Variants in CYP3A43 observed in about 807,000 individuals in gnomAD.
CYP3A43 encodes cytochrome P450 3A43.
In CYP3A43, 45 loss-of-function variants were observed where a neutral mutation model predicts 58.0. The ratio of observed to expected loss-of-function variants is 0.78; its 90% CI spans 0.61 to 0.99. The LOEUF is 0.99. Among genes scored for constraint, CYP3A43 ranks in the 50% least tolerant of loss-of-function variants. The pLI is 0.00. For synonymous variants in CYP3A43, 191 were observed against 201.4 expected (o/e 0.95, Z 0.44); for missense variants, 593 against 591.9 (o/e 1.00, Z -0.02).
intron 1 of CYP3A43, among the ~76,000 whole-genome samples, chr7:99,832,716 C>T (rs1584193761): frequency 6.6e-6 from 1 of 151,784 alleles, no homozygotes; most frequent in East Asian, 1.9e-4. Context: ...AACAAAACAA[C>T]AAAACAAGAA....
chr7:99,854,886 C>T (rs2151617343), intron 7 of CYP3A43, among the ~76,000 whole-genome samples: 1 of 147,878 alleles, frequency 6.8e-6, no homozygotes, highest in Non-Finnish European at 1.5e-5. Context: ...CTCTCTCTCT[C>T]TTTTTTTTTT....
intron 1 of CYP3A43, among the ~76,000 whole-genome samples, chr7:99,829,139 A>C (rs1027355266): frequency 6.6e-5 from 10 of 152,336 alleles, no homozygotes; most frequent in South Asian, 2.1e-4. Context: ...GCACATATGC[A>C]TGTAAAATTT....
chr7:99,859,354 T>C (rs1248992510), intron 9 of CYP3A43, among the ~76,000 whole-genome samples: 1 of 152,190 alleles, frequency 6.6e-6, no homozygotes, highest in African/African-American at 2.4e-5. Context: ...TAGAGAAAAG[T>C]TCCTTTATAT....
chr7:99,859,917 T>C lies in CYP3A43; in HGVS notation c.953T>C (p.Met318Thr). The C allele has an allele frequency of 1.2e-6, 2 of 1,614,042 alleles. No homozygotes were observed. The highest frequency in any genetic ancestry group is 1.7e-5 in the Admixed American group (1 of 60,008). Reference protein sequence around the residue: ...DTTSTTLPFIMYELATHPDVQ... With the variant: ...DTTSTTLPFITYELATHPDVQ... ...ACTAGCACCACTCTCCCCTTCATTA[T>C]GTATGAACTGGCCACTCACCCTGAT... The change falls in exon 10 of 13, where the codon ATG becomes ACG. Residue 318 changes from methionine (M) to threonine (T), a missense_variant. Met to Thr is a moderately conservative substitution (Grantham distance 81). Transcript: ENST00000354829.
In CYP3A43 at chr7:99,863,613, G is replaced by A. The variant is rs1305756817; in HGVS notation, c.1330G>A (p.Gly444Ser). The A allele has an allele frequency of 1.2e-6, 2 of 1,613,998 alleles. No individual in the cohort carries two copies. Among genetic ancestry groups the A allele is most frequent in the East Asian group, 2.2e-5 (1 of 44,882 alleles). The change falls in exon 12 of 13, where the codon GGC (glycine) becomes AGC (serine). Residue 444 changes from glycine (G) to serine (S), a missense_variant. Transcript: ENST00000354829. ...PFGAGPRNCI[G>S]MRFALTNIKL... Reference sequence around the variant, plus strand: ...TGGAGCTGGACCCCGAAACTGCATTGGCATGAGGTTTGCTCTCACAAACAT... The same window carrying A: ...TGGAGCTGGACCCCGAAACTGCATTAGCATGAGGTTTGCTCTCACAAACAT...
chr7:99,842,276 T>A (rs2151599937), intron 3 of CYP3A43, among the ~76,000 whole-genome samples: 1 of 152,340 alleles, frequency 6.6e-6, no homozygotes, highest in South Asian at 2.1e-4. Context: ...AATGTAATTT[T>A]TGCCATTTTA....
intron 7 of CYP3A43, among the ~76,000 whole-genome samples, chr7:99,850,318 G>A (rs1054450462): frequency 2.6e-5 from 4 of 151,518 alleles, no homozygotes; most frequent in Non-Finnish European, 5.9e-5. Flanking sequence ...CTGGAGTGCA[G>A]TGGCTCAATC....
chr7:99,856,984 G>C, intron 9 of CYP3A43, 85 bp downstream of exon 9: 1 of 1,466,590 alleles, frequency 6.8e-7, no homozygotes, highest in Non-Finnish European at 9.3e-7. Flanking sequence ...AAGTTTTCCA[G>C]GAAAATGAGA....
chr7:99,864,055 G>T (rs1182064133), intron 12 of CYP3A43, among the ~76,000 whole-genome samples: 1 of 148,496 alleles, frequency 6.7e-6, no homozygotes, highest in Non-Finnish European at 1.5e-5. Context: ...CTTTCGAATG[G>T]TGCTCTCCTC....
At chr7:99,841,990 A>G (rs1215742723) in intron 3 of CYP3A43, among the ~76,000 whole-genome samples, 1 of 152,232 alleles carries the variant, frequency 6.6e-6, no homozygotes, top group African/African-American at 2.4e-5. Flanking sequence ...ATACTTCATT[A>G]GAAATTCTAA....
At chr7:99,860,110 T>C in intron 10 of CYP3A43, 120 bp downstream of exon 10, 2 of 1,246,116 alleles carry the variant, frequency 1.6e-6, no homozygotes, top group Non-Finnish European at 2.2e-6. Context: ...TCATTTACAC[T>C]ATGCAGAAAG....
chr7:99,830,281 G>T (rs1816790851), intron 1 of CYP3A43, among the ~76,000 whole-genome samples: 1 of 152,154 alleles, frequency 6.6e-6, no homozygotes, highest in East Asian at 1.9e-4. Context: ...ACTTTGGAAA[G>T]CCGAGGTGGG....
At chr7:99,830,350 T>C (rs1816795142) in intron 1 of CYP3A43, among the ~76,000 whole-genome samples, 1 of 152,054 alleles carries the variant, frequency 6.6e-6, no homozygotes, top group South Asian at 2.1e-4. Context: ...AAACCCTGTC[T>C]CTACTAAATA....
At chr7:99,833,601 G>T (rs1425142250) in intron 1 of CYP3A43, among the ~76,000 whole-genome samples, 5 of 152,116 alleles carry the variant, frequency 3.3e-5, no homozygotes, top group Non-Finnish European at 5.9e-5. Flanking sequence ...GGGGAAGTTG[G>T]GTTTTTTTCA....
rs113007188 is a variant in CYP3A43, at chr7:99,836,423, T to C, written c.72-30T>C. 3.7e-4 allele frequency: 586 copies of C among 1,588,714 alleles called. 4 individuals are homozygous for C. The African/African-American group carries it at 3.9e-3, about 10-fold the overall frequency. On this transcript the variant is annotated intron_variant, in intron 1 of 12. Coordinates refer to ENST00000354829, the MANE Select transcript of CYP3A43 (RefSeq NM_057095.3). ...CCCTTATCTATAAAGTTACAATTTC[T>C]GTAACCTGGCTTTCTCTTTTATTTT...
chr7:99,829,886 G>T (rs1240420968), intron 1 of CYP3A43, among the ~76,000 whole-genome samples: 1 of 152,134 alleles, frequency 6.6e-6, no homozygotes, highest in Non-Finnish European at 1.5e-5. Context: ...GATTCCTTGC[G>T]ACTCAGCTAC....
rs759333901 is a variant in CYP3A43 at position 99,849,672 on chromosome 7, G to T, written c.648G>T (p.Leu216Phe). ...NMKKLLKLDF[L>F]DPFLLLISLF... ...AGAAGCTTTTAAAATTGGATTTTTT[G>T]GATCCCTTTTTACTCTTAATATGTA... is the stretch of plus-strand genomic sequence containing the variant. The change falls in exon 7 of 13, where the codon TTG becomes TTT. Residue 216 changes from leucine (L) to phenylalanine (F), a missense_variant. By Grantham distance (22) the Leu-to-Phe change is conservative. Coordinates refer to ENST00000354829, the MANE Select transcript of CYP3A43 (RefSeq NM_057095.3). 4 of 1,607,452 alleles carry T rather than the reference G, an allele frequency of 2.5e-6. No individual in the cohort carries two copies. The highest frequency in any genetic ancestry group is 2.2e-5 in the East Asian group (1 of 44,726).
chr7:99,851,011 A>T (rs567841054), intron 7 of CYP3A43, among the ~76,000 whole-genome samples: 10 of 152,296 alleles, frequency 6.6e-5, no homozygotes, highest in Non-Finnish European at 4.4e-5. Context: ...TACTAAAAAT[A>T]CAAAAATTAG....
At chr7:99,863,749 A>G in intron 12 of CYP3A43, 50 bp downstream of exon 12, 1 of 1,395,676 alleles carries the variant, frequency 7.2e-7, no homozygotes, top group Non-Finnish European at 9.6e-7. Flanking sequence ...TTTTAAACTG[A>G]GAAGTCTACA....
Sources: allele counts gnomAD v4.1 joint callset (sites outside exome capture counted in the v4.1 genomes callset), GRCh38; gene constraint gnomAD v4.1.1; transcripts MANE v1.5; gene names NCBI Gene and HGNC (gene_info 2026-07-23, HGNC 2026-07-21).